The following MLPH variants were observed in gnomAD, a reference collection of about 807,000 sequenced individuals.
MLPH encodes melanophilin.
A neutral mutation model predicts 72.1 loss-of-function variants in MLPH; 51 were observed. That is an observed-to-expected ratio of 0.71 (90% confidence interval 0.56 to 0.89). The LOEUF is 0.89. Ranked by LOEUF, MLPH falls within the 40% of genes least tolerant of loss-of-function variation. The probability of loss-of-function intolerance (pLI) is 0.00; values close to 1 mark genes in which losing one functional copy is unlikely to be tolerated. For missense variants in MLPH, 743 were observed against 759.9 expected (o/e 0.98, Z 0.26); for synonymous variants, 301 against 310.1 (o/e 0.97, Z 0.31).
intron 14 of MLPH, 72 bp from the exon 15 acceptor site, chr2:237,552,265 G>A: frequency 7.9e-7 from 1 of 1,258,466 alleles, no homozygotes; most frequent in Non-Finnish European, 1.2e-6. Flanking sequence ...AATTTCTGAG[G>A]AGGCCAAGGC....
chr2:237,503,294 C>T (rs1052807151), intron 2 of MLPH, among the ~76,000 whole-genome samples: 4 of 152,242 alleles, frequency 2.6e-5, no homozygotes, highest in African/African-American at 7.2e-5. Context: ...GAACATTGGT[C>T]TGAGATGTTT....
chr2:237,498,571 TC>T (rs2079583052), intron 2 of MLPH, among the ~76,000 whole-genome samples: 1 of 152,168 alleles, frequency 6.6e-6, no homozygotes, highest in African/African-American at 2.4e-5. Context: ...TGCCCCTCCC[TC>T]CAAGCTGTGC....
At chr2:237,532,493 G>A (rs1259941846) in intron 8 of MLPH, among the ~76,000 whole-genome samples, 1 of 152,236 alleles carries the variant, frequency 6.6e-6, no homozygotes, top group Non-Finnish European at 1.5e-5. Flanking sequence ...GGCCGGCCCT[G>A]GGGCCATTCG....
At chr2:237,549,342 C>A in intron 14 of MLPH, 64 bp downstream of exon 14, 1 of 1,346,556 alleles carries the variant, frequency 7.4e-7, no homozygotes, top group Non-Finnish European at 1.1e-6. Context: ...AGGAAAATGA[C>A]CAGTCGCAGC....
chr2:237,552,213 A>C lies in MLPH; in HGVS notation c.1676-124A>C, dbSNP rs2081053824. The C allele has an allele frequency of 5.6e-6, 4 of 713,642 alleles. No individual in the cohort carries two copies. The East Asian group carries it at 8.2e-5, about 15-fold the overall frequency. 44.2% of individuals were successfully genotyped at this position (713,642 alleles called of 1,614,324 possible). A position where few individuals can be genotyped will look rare whatever the true frequency, so the allele number is the denominator to read the frequency against. On this transcript the variant is annotated intron_variant, in intron 14 of 15. Transcript: ENST00000264605. ...CTTTTTAAAAAATATGTGATGTGGA[A>C]GCTTCTTAAAAGGGGATATGTCCAT... is the stretch of plus-strand genomic sequence containing the variant.
In MLPH at chr2:237,518,577, A is replaced by T. The variant is rs1245802289; in HGVS notation, c.484A>T (p.Ser162Cys). 4 of 1,613,808 alleles carry T rather than the reference A, an allele frequency of 2.5e-6. No homozygotes were observed. The highest frequency in any genetic ancestry group is 3.4e-6 in the Non-Finnish European group (4 of 1,179,928). ...GATATCTGAAGAGAGAAGTGGAGAC[A>T]GCGACCAGACAGATGAGGATGGAGA... is the stretch of plus-strand genomic sequence containing the variant. The part of the protein sequence containing the change: ...ELISEERSGD[S>C]DQTDEDGEPG... Residue 162 changes from serine to cysteine, a missense_variant, in exon 5 of 16, where the codon AGC (serine) becomes TGC (cysteine). By Grantham distance (112) the Ser-to-Cys change is moderately radical (BLOSUM62 -1). Transcript: ENST00000264605.
At chr2:237,490,529 A>C (rs1380631836) in intron 1 of MLPH, among the ~76,000 whole-genome samples, 1 of 152,164 alleles carries the variant, frequency 6.6e-6, no homozygotes, top group African/African-American at 2.4e-5. Flanking sequence ...TTTCTTCCTC[A>C]CACATCATGA....
In MLPH at chr2:237,552,531, G is replaced by T. The variant is rs1287786732; in HGVS notation, c.1776+94G>T. On this transcript the variant is annotated intron_variant, in intron 15 of 15. Transcript: ENST00000264605. ...TTAAGTCTTCAGAGCAAAGAAAATGGAGATAAACAAAACAAAGATTCAGAC... is the reference window on the plus strand; with the variant it reads ...TTAAGTCTTCAGAGCAAAGAAAATGTAGATAAACAAAACAAAGATTCAGAC... 9.4e-6 allele frequency: 10 copies of T among 1,067,182 alleles called. No individual in the cohort carries two copies. In the Admixed American group the frequency reaches 2.1e-4, roughly 22 times the overall value. 66.1% of individuals were successfully genotyped at this position (1,067,182 alleles called of 1,614,324 possible). A position where few individuals can be genotyped will look rare whatever the true frequency, so the allele number is the denominator to read the frequency against.
At position 237,500,925 on chromosome 2, in the gene MLPH, C is replaced by G. The variant is rs115296248; in HGVS notation, c.110+7389C>G. Among the ~76,000 whole-genome samples the G allele has an allele frequency of 5.1e-3, 777 of 152,226 alleles. 9 individuals carry two copies. Among genetic ancestry groups the G allele is most frequent in the African/African-American group, 0.017 (718 of 41,522 alleles). On this transcript the variant is annotated intron_variant, in intron 2 of 15. Transcript: ENST00000264605. ...CACACACACTTACTCTTCTCTCCCT[C>G]CACCCTCACCGTCTTGTTGTCCATT... is the stretch of plus-strand genomic sequence containing the variant.
rs2081088290 is a variant in MLPH, at chr2:237,554,056, TG to T, written c.*467del. On this transcript the variant is annotated 3_prime_UTR_variant, in exon 16 of 16. Coordinates refer to ENST00000264605, the MANE Select transcript of MLPH (RefSeq NM_024101.7). The stretch of plus-strand genomic sequence containing the variant: ...TGAGCAGATGTTTGCGTATTTCTTG[TG>T]GGTGTGACTGGATATTAGACATCCG... The T allele has an allele frequency of 3.3e-6, 1 of 305,632 alleles. No homozygotes were observed. 18.9% of individuals were successfully genotyped at this position (305,632 alleles called of 1,614,324 possible).
At chr2:237,520,142 C>A in intron 6 of MLPH, 113 bp downstream of exon 6, 1 of 1,418,966 alleles carries the variant, frequency 7.0e-7, no homozygotes, top group Non-Finnish European at 9.8e-7. Context: ...GCCACACAGT[C>A]CCACCTGGCT....
At chr2:237,514,881 C>A (rs747575178) in intron 4 of MLPH, among the ~76,000 whole-genome samples, 10 of 152,230 alleles carry the variant, frequency 6.6e-5, no homozygotes, top group Non-Finnish European at 1.2e-4. Context: ...TTGACTCACC[C>A]CAGCATCTTC....
At chr2:237,550,829 G>T (rs1206843926) in intron 14 of MLPH, among the ~76,000 whole-genome samples, 1 of 152,266 alleles carries the variant, frequency 6.6e-6, no homozygotes, top group Non-Finnish European at 1.5e-5. Context: ...GATTACAGGC[G>T]TGAGCCACCG....
At position 237,524,093 on chromosome 2, in the gene MLPH, G is replaced by T. The variant is rs1486273715; in HGVS notation, c.676-1508G>T. Reference sequence around the variant, plus strand: ...GAATTTTATGGAAAAGGAGAGGCAGGCTGAGGCTATTGGGTCAAATCCTCA... The same window carrying T: ...GAATTTTATGGAAAAGGAGAGGCAGTCTGAGGCTATTGGGTCAAATCCTCA... On this transcript the variant is annotated intron_variant, in intron 6 of 15. Transcript: ENST00000264605. Among the ~76,000 whole-genome samples the T allele has an allele frequency of 2.6e-5, 4 of 152,036 alleles. No homozygotes were observed. In the East Asian group the frequency reaches 5.8e-4, roughly 22 times the overall value.
In MLPH at chr2:237,553,733, C is replaced by G. The variant is rs564705567; in HGVS notation, c.*141C>G. 8.7e-7 allele frequency: 1 copy of G among 1,147,794 alleles called. No individual in the cohort carries two copies. Among genetic ancestry groups the G allele is most frequent in the South Asian group, 1.2e-5 (1 of 81,404 alleles). The allele number at this position is 1,147,794 out of a possible 1,614,324, so 71.1% of individuals were successfully genotyped here. A position where few individuals can be genotyped will look rare whatever the true frequency, so the allele number is the denominator to read the frequency against. On this transcript the variant is annotated 3_prime_UTR_variant, in exon 16 of 16. Transcript: ENST00000264605. ...CAAGAAGGAGCACCCTCCACATGGACTCCCACCTGCAAGTGGACAGCGACA... is the reference window on the plus strand; with the variant it reads ...CAAGAAGGAGCACCCTCCACATGGAGTCCCACCTGCAAGTGGACAGCGACA...
At chr2:237,538,781 C>G (rs1574891086) in intron 9 of MLPH, among the ~76,000 whole-genome samples, 1 of 152,330 alleles carries the variant, frequency 6.6e-6, no homozygotes, top group East Asian at 1.9e-4. Context: ...ATTTTGGTTT[C>G]CTTCACAACC....
chr2:237,515,110 C>T (rs940549131), intron 4 of MLPH, among the ~76,000 whole-genome samples: 3 of 152,184 alleles, frequency 2.0e-5, no homozygotes, highest in African/African-American at 7.2e-5. Flanking sequence ...TGTAAAAGAT[C>T]ACTGCTGGCT....
At chr2:237,531,817 G>A (rs1304642483) in intron 8 of MLPH, among the ~76,000 whole-genome samples, 3 of 152,102 alleles carry the variant, frequency 2.0e-5, no homozygotes, top group Non-Finnish European at 2.9e-5. Flanking sequence ...TTTCACCTAT[G>A]TAGAAATTGT....
chr2:237,506,811 GA>G (rs1394238351), intron 2 of MLPH, among the ~76,000 whole-genome samples: 5 of 152,170 alleles, frequency 3.3e-5, no homozygotes, highest in African/African-American at 1.2e-4. Context: ...AAGACAATAT[GA>G]GGGGTGGTCT....
Sources: gnomAD v4.1 joint callset for allele counts (sites outside exome capture counted in the v4.1 genomes callset) on GRCh38, gnomAD v4.1.1 for gene constraint, MANE v1.5 for transcripts, NCBI Gene and HGNC (gene_info 2026-07-23, HGNC 2026-07-21) for gene names.